The following GABRR2 variants were observed in gnomAD, a reference collection of about 807,000 sequenced individuals.
GABRR2 encodes the protein gamma-aminobutyric acid type A receptor subunit rho2.
In GABRR2, 36 loss-of-function variants were observed where a neutral mutation model predicts 47.0. The ratio of observed to expected loss-of-function variants is 0.77; its 90% CI spans 0.59 to 1.01. The LOEUF (loss-of-function observed/expected upper bound fraction) is 1.01, where lower values mean the gene tolerates loss of function less well. Ranked by LOEUF, GABRR2 falls within the 50% of genes least tolerant of loss-of-function variation. The pLI, the probability that GABRR2 is intolerant of heterozygous loss-of-function variation, is 0.00. For synonymous variants in GABRR2, 204 were observed against 227.5 expected, an observed-to-expected ratio of 0.90 and a Z score of 0.93; for missense variants, 587 against 594.6, an observed-to-expected ratio of 0.99 and a Z score of 0.13.
At chr6:89,293,075 G>A (rs922504585) in intron 2 of GABRR2, among the ~76,000 whole-genome samples, 1 of 152,014 alleles carries the variant, frequency 6.6e-6, no homozygotes, top group South Asian at 2.1e-4. Flanking sequence ...ACAGATGAAT[G>A]GATACACAAA....
At chr6:89,301,830 C>G (rs1252430916) in intron 1 of GABRR2, 1 of 1,034,828 alleles carries the variant, frequency 9.7e-7, no homozygotes, top group African/African-American at 1.6e-5. Flanking sequence ...GCAACTAGAT[C>G]GGGGCCAAGT....
intron 2 of GABRR2, among the ~76,000 whole-genome samples, chr6:89,279,287 G>A (rs751988629): frequency 2.0e-5 from 3 of 152,134 alleles, no homozygotes; most frequent in Middle Eastern, 3.2e-3. Flanking sequence ...GGCAGGCAGC[G>A]GGGAGCCCTG....
At chr6:89,308,089 A>C (rs1054825690) in intron 1 of GABRR2, among the ~76,000 whole-genome samples, 14 of 152,180 alleles carry the variant, frequency 9.2e-5, no homozygotes, top group Non-Finnish European at 2.1e-4. Flanking sequence ...TGCTGGGGTT[A>C]CAGGCATGAG....
chr6:89,302,753 G>A (rs1767478785), intron 1 of GABRR2: 2 of 1,428,698 alleles, frequency 1.4e-6, no homozygotes, highest in Admixed American at 3.5e-5. Context: ...ACGAGCAGAT[G>A]CTGTCCATCC....
At chr6:89,262,113 T>C (rs1470319774) in intron 8 of GABRR2, among the ~76,000 whole-genome samples, 1 of 151,718 alleles carries the variant, frequency 6.6e-6, no homozygotes, top group African/African-American at 2.4e-5. Context: ...CCACCAGCCA[T>C]AACTACAGCT....
chr6:89,264,666 T>G, intron 7 of GABRR2, 58 bp from the exon 8 acceptor site: 1 of 1,579,530 alleles, frequency 6.3e-7, no homozygotes, highest in South Asian at 1.1e-5. Flanking sequence ...CCCTCATATC[T>G]CACTAAGTCA....
At chr6:89,298,668 A>G (rs922357677) in intron 2 of GABRR2, among the ~76,000 whole-genome samples, 1 of 152,206 alleles carries the variant, frequency 6.6e-6, no homozygotes, top group African/African-American at 2.4e-5. Context: ...GGGATCTCAT[A>G]CATTCTGCTA....
chr6:89,308,603 C>T (rs1307287634), intron 1 of GABRR2, among the ~76,000 whole-genome samples: 1 of 152,108 alleles, frequency 6.6e-6, no homozygotes, highest in Admixed American at 6.6e-5. Context: ...CGATTTACAC[C>T]CCTACTTCTA....
chr6:89,279,204 C>A (rs551373512), intron 2 of GABRR2, among the ~76,000 whole-genome samples: 1 of 152,330 alleles, frequency 6.6e-6, no homozygotes, highest in South Asian at 2.1e-4. Context: ...CCACCCACAG[C>A]TGCTCCTGAC....
chr6:89,303,138 G>A, intron 1 of GABRR2: 1 of 492,056 alleles, frequency 2.0e-6, no homozygotes, highest in Non-Finnish European at 3.9e-6. Flanking sequence ...TGGAGTGAGG[G>A]GCAGGTGGCG....
chr6:89,269,835 T>C (rs537280790), intron 3 of GABRR2, among the ~76,000 whole-genome samples: 14 of 152,360 alleles, frequency 9.2e-5, no homozygotes, highest in African/African-American at 3.4e-4. Context: ...GCTGCATACC[T>C]ACTATAATTT....
intron 2 of GABRR2, among the ~76,000 whole-genome samples, chr6:89,296,917 C>T (rs1391379594): frequency 1.3e-5 from 2 of 152,344 alleles, no homozygotes; most frequent in Admixed American, 6.5e-5. Context: ...TCTGGCTGTT[C>T]GGTGGCCATC....
intron 7 of GABRR2, among the ~76,000 whole-genome samples, 172 bp downstream of exon 7, chr6:89,265,441 G>A (rs1328988333): frequency 2.0e-5 from 3 of 152,118 alleles, no homozygotes; most frequent in Non-Finnish European, 4.4e-5. Flanking sequence ...TCATAATGTG[G>A]AGGAAACTGA....
intron 2 of GABRR2, among the ~76,000 whole-genome samples, chr6:89,289,326 C>T (rs1453778545): frequency 2.6e-5 from 4 of 152,154 alleles, no homozygotes; most frequent in African/African-American, 7.2e-5. Context: ...AGCCTTGAAG[C>T]TTCAGAGGGA....
At chr6:89,276,527 T>C (rs1320333664) in intron 2 of GABRR2, among the ~76,000 whole-genome samples, 1 of 152,150 alleles carries the variant, frequency 6.6e-6, no homozygotes, top group Non-Finnish European at 1.5e-5. Context: ...GAAGGAGAGC[T>C]ACCAAAAAAT....
At chr6:89,263,773 T>C (rs188797439) in intron 8 of GABRR2, among the ~76,000 whole-genome samples, 13 of 152,334 alleles carry the variant, frequency 8.5e-5, no homozygotes, top group African/African-American at 2.9e-4. Context: ...TCCGCCCACC[T>C]CGGCCTCCCA....
intron 1 of GABRR2, among the ~76,000 whole-genome samples, chr6:89,306,649 C>T (rs1394603843): frequency 2.6e-5 from 4 of 152,112 alleles, no homozygotes; most frequent in African/African-American, 4.8e-5. Flanking sequence ...AACCAGGTGA[C>T]GGCAAAGGAG....
At chr6:89,263,557 C>G (rs1239081637) in intron 8 of GABRR2, among the ~76,000 whole-genome samples, 1 of 152,212 alleles carries the variant, frequency 6.6e-6, no homozygotes, top group Non-Finnish European at 1.5e-5. Flanking sequence ...GGGTCTTGCT[C>G]TGTCGCCCAG....
chr6:89,257,644 C>G lies in GABRR2; in HGVS notation c.*26G>C. 6.3e-7 allele frequency: 1 copy of G among 1,579,376 alleles called. No homozygotes were observed. ...GCCAGGCCCCCTCGATGTCTATGCCCTCTTCTAGGAACAGCCTTGGAGCCC... is the reference window on the plus strand; with the variant it reads ...GCCAGGCCCCCTCGATGTCTATGCCGTCTTCTAGGAACAGCCTTGGAGCCC... On this transcript the variant is annotated 3_prime_UTR_variant, in exon 9 of 9. Transcript: ENST00000402938.
Sources: allele counts gnomAD v4.1 joint callset (sites outside exome capture counted in the v4.1 genomes callset), GRCh38; gene constraint gnomAD v4.1.1; transcripts MANE v1.5; gene names NCBI Gene and HGNC (gene_info 2026-07-23, HGNC 2026-07-21).